PAWR: variants seen among roughly 807,000 people sequenced by gnomAD.
The protein encoded by PAWR is PRKC apoptosis WT1 regulator protein.
A neutral mutation model predicts 32.0 loss-of-function variants in PAWR; 23 were observed. The ratio of observed to expected loss-of-function variants is 0.72; its 90% confidence interval spans 0.52 to 1.02. The LOEUF is 1.02. Among genes scored for constraint, PAWR ranks in the 50% least tolerant of loss-of-function variants. The pLI, the probability that PAWR is intolerant of heterozygous loss-of-function variation, is 0.00. For synonymous variants in PAWR, 226 were observed against 187.1 expected, an observed-to-expected ratio of 1.21 and a Z score of -1.70; for missense variants, 457 against 437.7, an observed-to-expected ratio of 1.04 and a Z score of -0.39.
At chr12:79,627,571 C>T (rs1313311447) in intron 2 of PAWR, among the ~76,000 whole-genome samples, 3 of 152,132 alleles carry the variant, frequency 2.0e-5, no homozygotes, top group African/African-American at 7.2e-5. Context: ...GTTTCTTTTG[C>T]TGTGCAGAAG....
intron 2 of PAWR, among the ~76,000 whole-genome samples, chr12:79,632,724 T>TGA (rs1283206598): frequency 6.6e-6 from 1 of 151,884 alleles, no homozygotes; most frequent in African/African-American, 2.4e-5. Flanking sequence ...TGGGAAAGGA[T>TGA]GATCTTTTCA....
chr12:79,639,735 G>A (rs868385286), intron 2 of PAWR, among the ~76,000 whole-genome samples: 1 of 151,830 alleles, frequency 6.6e-6, no homozygotes, highest in Non-Finnish European at 1.5e-5. Context: ...ATGTTAACTG[G>A]CAATTAGCAG....
intron 4 of PAWR, among the ~76,000 whole-genome samples, chr12:79,598,714 G>A (rs946680860): frequency 3.2e-4 from 49 of 152,104 alleles, no homozygotes; most frequent in African/African-American, 1.1e-3. Flanking sequence ...CTATATCGTA[G>A]AACCCTTTAT....
intron 2 of PAWR, among the ~76,000 whole-genome samples, chr12:79,677,919 T>C (rs531133896): frequency 6.6e-5 from 10 of 152,266 alleles, no homozygotes; most frequent in African/African-American, 2.4e-4. Flanking sequence ...TTCTCCATGA[T>C]TACACTAGAA....
chr12:79,611,950 T>C (rs1039495569), intron 4 of PAWR, among the ~76,000 whole-genome samples: 3 of 152,134 alleles, frequency 2.0e-5, no homozygotes, highest in Non-Finnish European at 4.4e-5. Context: ...TTGAAAAGTG[T>C]CATTCGTACT....
chr12:79,621,035 T>C, intron 3 of PAWR, 41 bp downstream of exon 3: 1 of 1,504,924 alleles, frequency 6.6e-7, no homozygotes, highest in South Asian at 1.2e-5. Flanking sequence ...AAAATTGCCA[T>C]TAAAATAGAT....
chr12:79,655,522 T>G (rs1877054559), intron 2 of PAWR, among the ~76,000 whole-genome samples: 1 of 152,174 alleles, frequency 6.6e-6, no homozygotes. Flanking sequence ...TAAATACTGG[T>G]CATCAGTTTC....
chr12:79,584,896 A>G lies in PAWR; in HGVS notation c.*7711T>C, dbSNP rs1873345738. The stretch of plus-strand genomic sequence containing the variant: ...AAATTGTATAACTGATGAAACATAC[A>G]TTTATTTTTTCCAATCAAGTCTTAA... On this transcript the variant is annotated 3_prime_UTR_variant, in exon 7 of 7. Coordinates refer to ENST00000328827, the MANE Select transcript of PAWR (RefSeq NM_002583.4). The G allele has an allele frequency of 1.5e-5, 3 of 201,646 alleles. No individual in the cohort carries two copies. The highest frequency in any genetic ancestry group is 7.1e-5 in the African/African-American group (3 of 42,064). 12.5% of individuals were successfully genotyped at this position (201,646 alleles called of 1,614,324 possible). A position where few individuals can be genotyped will look rare whatever the true frequency, so the allele number is the denominator to read the frequency against.
chr12:79,645,798 T>A (rs1182526650), intron 2 of PAWR, among the ~76,000 whole-genome samples: 2 of 152,238 alleles, frequency 1.3e-5, no homozygotes, highest in African/African-American at 4.8e-5. Context: ...ACTATAGTGT[T>A]TCATTGTATA....
At chr12:79,680,571 T>C (rs1377666103) in intron 2 of PAWR, among the ~76,000 whole-genome samples, 2 of 152,186 alleles carry the variant, frequency 1.3e-5, no homozygotes, top group African/African-American at 4.8e-5. Context: ...CATTTTCACA[T>C]ATGCCCTACA....
chr12:79,620,532 A>G (rs1189305286), intron 3 of PAWR, among the ~76,000 whole-genome samples: 2 of 152,186 alleles, frequency 1.3e-5, no homozygotes, highest in East Asian at 3.9e-4. Flanking sequence ...GTAAGGCCTC[A>G]TTTGTGAGGC....
chr12:79,592,698 AG>A lies in PAWR; in HGVS notation c.937-6del. The A allele has an allele frequency of 1.4e-6, 1 of 731,702 alleles. No individual in the cohort carries two copies. The highest frequency in any genetic ancestry group is 2.5e-6 in the Non-Finnish European group (1 of 406,576). 45.3% of individuals were successfully genotyped at this position (731,702 alleles called of 1,614,324 possible). ...ATCTTCTATGTCATCTAGGTCCTTA[AG>A]AAAAAAAAAAGACACTTTAAAAATA... On this transcript the variant is annotated splice_region_variant and splice_polypyrimidine_tract_variant and intron_variant, in intron 6 of 6. Transcript: ENST00000328827.
At chr12:79,668,227 T>G (rs906782606) in intron 2 of PAWR, 1 of 152,238 alleles carries the variant, frequency 6.6e-6, no homozygotes, top group African/African-American at 2.4e-5. Flanking sequence ...TTTTTAATGT[T>G]TCAAGTTAGA....
At chr12:79,613,096 T>C (rs1162374599) in intron 4 of PAWR, among the ~76,000 whole-genome samples, 1 of 152,208 alleles carries the variant, frequency 6.6e-6, no homozygotes, top group East Asian at 1.9e-4. Context: ...TTCCTCCCTC[T>C]TTCTCTCTGC....
chr12:79,672,991 T>C (rs1337963785), intron 2 of PAWR, among the ~76,000 whole-genome samples: 2 of 152,084 alleles, frequency 1.3e-5, no homozygotes, highest in African/African-American at 4.8e-5. Flanking sequence ...TAATGAAAAA[T>C]GATTACTTAA....
intron 2 of PAWR, among the ~76,000 whole-genome samples, chr12:79,670,065 C>G (rs374486588): frequency 2.0e-4 from 30 of 151,968 alleles, no homozygotes; most frequent in African/African-American, 7.3e-4. Context: ...TATGGGTATA[C>G]AAAATGCTAA....
chr12:79,627,501 C>G lies in PAWR; in HGVS notation c.517-6294G>C, dbSNP rs796090646. Among the ~76,000 whole-genome samples, 111 of 152,032 alleles carry G rather than the reference C, an allele frequency of 7.3e-4. 1 individual carries two copies. In the South Asian group the frequency reaches 0.022, roughly 30 times the overall value. On this transcript the variant is annotated intron_variant, in intron 2 of 6. Coordinates refer to ENST00000328827, the MANE Select transcript of PAWR (RefSeq NM_002583.4). ...GGTTCTGGATATTAGCCCTTTGTCACATGAGTAGGTTGCAAAAATTTTCTC... is the reference window on the plus strand; with the variant it reads ...GGTTCTGGATATTAGCCCTTTGTCAGATGAGTAGGTTGCAAAAATTTTCTC...
chr12:79,615,831 T>A lies in PAWR; in HGVS notation c.649-2222A>T, dbSNP rs553753053. 1.7e-4 allele frequency among the ~76,000 whole-genome samples: 26 copies of A among 151,436 alleles called. No individual in the cohort carries two copies. In the South Asian group the frequency reaches 5.4e-3, roughly 32 times the overall value. ...TAGCACTTTGGGAGGCTGAGGGGAGTGGATCACTTGAGCCCTGGAAGTCAA... is the reference window on the plus strand; with the variant it reads ...TAGCACTTTGGGAGGCTGAGGGGAGAGGATCACTTGAGCCCTGGAAGTCAA... On this transcript the variant is annotated intron_variant, in intron 3 of 6. Transcript: ENST00000328827.
At chr12:79,643,629 A>G (rs1033275413) in intron 2 of PAWR, among the ~76,000 whole-genome samples, 1 of 152,168 alleles carries the variant, frequency 6.6e-6, no homozygotes, top group African/African-American at 2.4e-5. Flanking sequence ...TTCATAAAAC[A>G]CAGCATTTAC....
Sources: gnomAD v4.1 joint callset for allele counts (sites outside exome capture counted in the v4.1 genomes callset) on GRCh38, gnomAD v4.1.1 for gene constraint, MANE v1.5 for transcripts, NCBI Gene and HGNC (gene_info 2026-07-23, HGNC 2026-07-21) for gene names.